Variants in ZER1 observed in about 807,000 individuals in gnomAD.
ZER1 encodes the protein zyg-11 related cell cycle regulator.
ZER1 carries 11 observed loss-of-function variants against 78.8 expected under a neutral mutation model. The observed-to-expected ratio is 0.14, with a 90% confidence interval of 0.09 to 0.23. The LOEUF is 0.23. Among genes scored for constraint, ZER1 ranks in the 10% least tolerant of loss-of-function variants. The pLI is 1.00. For synonymous variants in ZER1, 400 were observed against 407.0 expected, an observed-to-expected ratio of 0.98 and a Z score of 0.21; for missense variants, 588 against 996.9, an observed-to-expected ratio of 0.59 and a Z score of 5.52.
rs1011796439 is a variant in ZER1 at position 128,758,094 on chromosome 9, G to GT, written c.-94-2436dup. On this transcript the variant is annotated intron_variant, in intron 1 of 15. Transcript: ENST00000291900. Reference sequence around the variant, plus strand: ...TAACAGCTTGGATAAGGCTTACAATGTTTTTTTTTTTTAATTTTTAGTTTA... The same window carrying GT: ...TAACAGCTTGGATAAGGCTTACAATGTTTTTTTTTTTTTAATTTTTAGTTTA... Among the ~76,000 whole-genome samples the GT allele has an allele frequency of 4.6e-3, 602 of 129,886 alleles. 1 individual carries two copies. Among genetic ancestry groups the GT allele is most frequent in the Non-Finnish European group, 6.8e-3 (402 of 59,396 alleles). The allele number at this position is 129,886 out of a possible 152,430, so 85.2% of individuals were successfully genotyped here.
intron 8 of ZER1, among the ~76,000 whole-genome samples, chr9:128,745,705 C>G (rs957172819): frequency 6.6e-6 from 1 of 152,038 alleles, no homozygotes; most frequent in Non-Finnish European, 1.5e-5. Flanking sequence ...GCCTGGAGTA[C>G]AGTGGTGCCA....
At chr9:128,764,824 C>T (rs1293319686) in intron 1 of ZER1, among the ~76,000 whole-genome samples, 1 of 152,138 alleles carries the variant, frequency 6.6e-6, no homozygotes, top group East Asian at 1.9e-4. Flanking sequence ...TGGTTATGAC[C>T]GACCACCACA....
In ZER1 at chr9:128,755,234, C is replaced by T. The variant is rs12003068; in HGVS notation, c.158+174G>A. Among the ~76,000 whole-genome samples, 456 of 152,130 alleles carry T rather than the reference C, an allele frequency of 3.0e-3. 3 individuals are homozygous for T. Among genetic ancestry groups the T allele is most frequent in the African/African-American group, 1.0e-2 (414 of 41,506 alleles). On this transcript the variant is annotated intron_variant, in intron 2 of 15. Transcript: ENST00000291900. This position sits in a 1 kb window ranked among gnomAD's most constrained non-coding sequence, Gnocchi z 5.6. Reference sequence around the variant, plus strand: ...CAACACACACACATATACACCTTTACGGTTATGGATACACCACTATTCTCT... The same window carrying T: ...CAACACACACACATATACACCTTTATGGTTATGGATACACCACTATTCTCT...
At chr9:128,769,321 T>C (rs1864312430) in intron 1 of ZER1, among the ~76,000 whole-genome samples, 1 of 152,226 alleles carries the variant, frequency 6.6e-6, no homozygotes, top group Non-Finnish European at 1.5e-5. Flanking sequence ...GACCGCTATG[T>C]ATTGAGCACT....
At chr9:128,770,548 G>C (rs1340800872) in intron 1 of ZER1, among the ~76,000 whole-genome samples, 1 of 152,126 alleles carries the variant, frequency 6.6e-6, no homozygotes, top group Non-Finnish European at 1.5e-5. Flanking sequence ...CCTTACTAGA[G>C]ACCTTCCCTG....
chr9:128,750,882 A>C (rs889422727), intron 7 of ZER1, 93 bp from the exon 8 acceptor site: 1 of 1,547,250 alleles, frequency 6.5e-7, no homozygotes, highest in African/African-American at 1.4e-5. Context: ...GGCAAGGTTT[A>C]GCCTGGTCTT....
intron 7 of ZER1, 54 bp from the exon 8 acceptor site, chr9:128,750,843 T>C: frequency 6.2e-7 from 1 of 1,603,908 alleles, no homozygotes; most frequent in Non-Finnish European, 8.5e-7. Flanking sequence ...AGGCCTGGGC[T>C]CTGCAAGGGG....
chr9:128,751,060 C>T lies in ZER1; in HGVS notation c.1185+62G>A, dbSNP rs1042018559. 1.8e-5 allele frequency: 27 copies of T among 1,529,560 alleles called. No individual in the cohort carries two copies. The highest frequency in any genetic ancestry group is 2.4e-5 in the Non-Finnish European group (27 of 1,136,736). The allele number at this position is 1,529,560 out of a possible 1,614,324, so 94.7% of individuals were successfully genotyped here. On this transcript the variant is annotated intron_variant, in intron 7 of 15. Transcript: ENST00000291900. This position sits in a 1 kb window ranked among gnomAD's most constrained non-coding sequence, Gnocchi z 5.4. The stretch of plus-strand genomic sequence containing the variant: ...ACAGGCTCTGGGGACACGGCTCAGC[C>T]AAGCCCGGCAACCTCCAGGTGGGGA...
chr9:128,731,441 G>GGGGGGGGGGGGGGGGGGC, intron 15 of ZER1, 47 bp from the exon 16 acceptor site: 2 of 704,916 alleles, frequency 2.8e-6, no homozygotes, highest in Non-Finnish European at 5.2e-6. Flanking sequence ...CTTGGGTGGG[G>GGGGGGGGGGGGGGGGGGC]GTGAGCCCAG....
chr9:128,748,012 T>C (rs940376101), intron 8 of ZER1, among the ~76,000 whole-genome samples: 15 of 152,164 alleles, frequency 9.9e-5, no homozygotes, highest in Admixed American at 9.8e-4. Flanking sequence ...CCCAGCACTT[T>C]GGGAAACCAA....
intron 13 of ZER1, among the ~76,000 whole-genome samples, chr9:128,738,534 T>C (rs2132402604): frequency 7.0e-6 from 1 of 142,874 alleles, no homozygotes; most frequent in Non-Finnish European, 1.5e-5. Flanking sequence ...TACAGGCGCA[T>C]GCCACCACGC....
Position 128,754,895 on chromosome 9 carries a change from G to C in ZER1, c.158+513C>G, listed in dbSNP as rs115100603. Among the ~76,000 whole-genome samples the C allele has an allele frequency of 2.4e-3, 364 of 152,296 alleles. 1 individual carries two copies. The highest frequency in any genetic ancestry group is 8.4e-3 in the African/African-American group (350 of 41,570). On this transcript the variant is annotated intron_variant, in intron 2 of 15. Coordinates refer to ENST00000291900, the MANE Select transcript of ZER1 (RefSeq NM_006336.4). This position sits in a 1 kb window ranked among gnomAD's most constrained non-coding sequence, Gnocchi z 4.3. ...AGCATGCTTCTAGGAGCCCCTAGGAGTGGGGAGGCCCTCGGAGGGCCATTC... is the reference window on the plus strand; with the variant it reads ...AGCATGCTTCTAGGAGCCCCTAGGACTGGGGAGGCCCTCGGAGGGCCATTC...
rs774299730 is a variant in ZER1, at chr9:128,733,427, G to A, written c.2242C>T (p.Arg748Cys). Residue 748 changes from arginine to cysteine, a missense_variant and splice_region_variant, in exon 15 of 16, where the codon CGC (arginine) becomes TGC (cysteine). Transcript: ENST00000291900. ...AGAAACACACTGCTGGTCTCTTACC[G>A]GGCCATTTCCTTGGTCTCCTGCCGT... is the stretch of plus-strand genomic sequence containing the variant. ...TARQETKEMA[R>C]KVIEHCSNFK... 7.4e-6 allele frequency: 12 copies of A among 1,613,466 alleles called. No homozygotes were observed. Among genetic ancestry groups the A allele is most frequent in the Middle Eastern group, 1.6e-4 (1 of 6,082 alleles).
At position 128,740,034 on chromosome 9, in the gene ZER1, C is replaced by T. The variant is rs150689943; in HGVS notation, c.1939G>A (p.Glu647Lys). ...TGGGGCTCACAGACGCCCCAGGCCT[C>T]GGGTCCATCAAACATGATGTGGGAG... ...VLSHIMFDGP[E>K]AWGVCEPQRE... The change falls in exon 13 of 16, where the codon GAG (glutamate) becomes AAG (lysine). Residue 647 changes from glutamate to lysine, a missense_variant. This residue lies in a region of ZER1 where 122 missense variants were observed against 173.5 expected (regional missense o/e 0.70). Coordinates refer to ENST00000291900, the MANE Select transcript of ZER1 (RefSeq NM_006336.4). The surrounding 1 kb of genome is among the most constrained non-coding windows in gnomAD (Gnocchi z 4.4). The T allele has an allele frequency of 5.3e-4, 851 of 1,614,038 alleles. 3 individuals are homozygous for T. The highest frequency in any genetic ancestry group is 2.3e-3 in the Middle Eastern group (14 of 6,062).
intron 1 of ZER1, among the ~76,000 whole-genome samples, chr9:128,764,651 G>C (rs1289111242): frequency 6.6e-6 from 1 of 152,152 alleles, no homozygotes; most frequent in Non-Finnish European, 1.5e-5. Flanking sequence ...GAAGGGCCCC[G>C]GGGCTACCAT....
intron 1 of ZER1, among the ~76,000 whole-genome samples, chr9:128,769,867 A>G (rs1191904351): frequency 6.6e-6 from 1 of 152,212 alleles, no homozygotes; most frequent in African/African-American, 2.4e-5. Flanking sequence ...CAAAGATGGA[A>G]GAAGGGTACT....
intron 14 of ZER1, among the ~76,000 whole-genome samples, chr9:128,734,088 A>G (rs1862944702): frequency 1.2e-5 from 1 of 86,134 alleles, no homozygotes; most frequent in African/African-American, 4.0e-5. Context: ...AGATCGCGCC[A>G]CTGCACTCCA....
At position 128,735,760 on chromosome 9, in the gene ZER1, G is replaced by GTTTT. The variant is rs779646793; in HGVS notation, c.2043-330_2043-329insAAAA. Among the ~76,000 whole-genome samples the GTTTT allele has an allele frequency of 4.0e-3, 64 of 16,194 alleles. 22 individuals are homozygous for GTTTT. The highest frequency in any genetic ancestry group is 8.1e-3 in the African/African-American group (49 of 6,066). 10.6% of individuals were successfully genotyped at this position (16,194 alleles called of 152,430 possible). On this transcript the variant is annotated intron_variant, in intron 13 of 15. Transcript: ENST00000291900. ...CTGGGAACAGAAGCACGTGTGACCT[G>GTTTT]GTTTTTTTTTTTTTTTTTTTTTTTT...
Position 128,754,037 on chromosome 9 carries a change from C to T in ZER1, c.159-78G>A. The stretch of plus-strand genomic sequence containing the variant: ...CGCTTCAAAGCCAAGCCCTCCTCCC[C>T]CTGAAGCTTTCTTGGATCACCCCAA... On this transcript the variant is annotated intron_variant, in intron 2 of 15. Transcript: ENST00000291900. The surrounding 1 kb of genome is among the most constrained non-coding windows in gnomAD (Gnocchi z 4.3). The T allele has an allele frequency of 1.3e-6, 2 of 1,510,036 alleles. No homozygotes were observed. The highest frequency in any genetic ancestry group is 1.3e-5 in the South Asian group (1 of 79,094). 93.5% of individuals were successfully genotyped at this position (1,510,036 alleles called of 1,614,324 possible).
Sources: allele counts gnomAD v4.1 joint callset (sites outside exome capture counted in the v4.1 genomes callset), GRCh38; gene constraint gnomAD v4.1.1; regional missense constraint gnomAD v4.1.1; non-coding constraint Gnocchi (gnomAD v3.1); transcripts MANE v1.5; gene names NCBI Gene and HGNC (gene_info 2026-07-23, HGNC 2026-07-21).